NOMO1: variants seen among roughly 807,000 people sequenced by gnomAD.
NOMO1 encodes the protein NODAL modulator 1.
In NOMO1, 40 loss-of-function variants were observed where a neutral mutation model predicts 133.8. That is an observed-to-expected ratio of 0.30 (90% CI 0.23 to 0.39). NOMO1 has a LOEUF of 0.39. Ranked by LOEUF, NOMO1 falls within the 10% of genes least tolerant of loss-of-function variation. The pLI is 1.00. For missense variants in NOMO1, 462 were observed against 1,419.9 expected (o/e 0.33, Z 10.84); for synonymous variants, 236 against 570.5 (o/e 0.41, Z 8.36).
At chr16:14,844,047 CCT>C (rs1790379614) in intron 3 of NOMO1, among the ~76,000 whole-genome samples, 2 of 142,276 alleles carry the variant, frequency 1.4e-5, no homozygotes, top group Non-Finnish European at 3.1e-5. Context: ...CCACAGTCCC[CCT>C]GAGGATGCTC....
At position 14,888,018 on chromosome 16, in the gene NOMO1, C is replaced by T. The variant is rs376924587; in HGVS notation, c.3325-1078C>T. On this transcript the variant is annotated intron_variant, in intron 28 of 30. Coordinates refer to ENST00000287667, the MANE Select transcript of NOMO1 (RefSeq NM_014287.4). Reference sequence around the variant, plus strand: ...GGAAGTTTTCAGCCATTATTCTGGCCGTCATTTACTGATTATAAAGTGCTT... The same window carrying T: ...GGAAGTTTTCAGCCATTATTCTGGCTGTCATTTACTGATTATAAAGTGCTT... 169 of 147,878 alleles carry T rather than the reference C, an allele frequency of 1.1e-3. 1 individual carries two copies. In the East Asian group the frequency reaches 0.021, roughly 18 times the overall value. 9.2% of individuals were successfully genotyped at this position (147,878 alleles called of 1,614,324 possible). A position where few individuals can be genotyped will look rare whatever the true frequency, so the allele number is the denominator to read the frequency against.
intron 4 of NOMO1, among the ~76,000 whole-genome samples, chr16:14,846,024 CTTTT>C (rs1195109475): frequency 2.3e-4 from 28 of 122,858 alleles, no homozygotes; most frequent in East Asian, 1.8e-3. Flanking sequence ...TGTACATTTA[CTTTT>C]TTTTTTTTTT....
intron 7 of NOMO1, 74 bp from the exon 8 acceptor site, chr16:14,853,393 A>C: frequency 8.2e-7 from 1 of 1,214,134 alleles, no homozygotes; most frequent in Non-Finnish European, 1.1e-6. Context: ...ATTTTCCTAT[A>C]ATGTGGCTAA....
At chr16:14,840,690 C>G (rs1433339849) in intron 2 of NOMO1, among the ~76,000 whole-genome samples, 1 of 149,462 alleles carries the variant, frequency 6.7e-6, no homozygotes, top group Non-Finnish European at 1.5e-5. Flanking sequence ...GAGACAGGAT[C>G]TCCCTCCGCT....
intron 16 of NOMO1, among the ~76,000 whole-genome samples, 173 bp from the exon 17 acceptor site, chr16:14,871,448 C>T (rs535252021): frequency 6.6e-6 from 1 of 152,200 alleles, no homozygotes; most frequent in East Asian, 1.9e-4. Context: ...GGTAAGACGC[C>T]TTCATAGGCA....
chr16:14,881,461 A>G (rs1474606640), intron 24 of NOMO1, 83 bp from the exon 25 acceptor site: 11 of 1,609,844 alleles, frequency 6.8e-6, no homozygotes, highest in Non-Finnish European at 8.5e-6. Flanking sequence ...ATTTTGCCCC[A>G]TAATTGTTGG....
At chr16:14,853,054 A>G (rs1963783410) in intron 7 of NOMO1, 1 of 191,720 alleles carries the variant, frequency 5.2e-6, no homozygotes, top group Non-Finnish European at 1.0e-5. Flanking sequence ...CTCACAAGAC[A>G]TTGCACATCT....
Position 14,866,790 on chromosome 16 carries a change from T to C in NOMO1, c.1806+99T>C, listed in dbSNP as rs558882834. The C allele has an allele frequency of 3.1e-3, 4,902 of 1,598,208 alleles. 195 individuals are homozygous for C. In the African/African-American group the frequency reaches 0.048, roughly 16 times the overall value. Reference sequence around the variant, plus strand: ...AGGAATATTGTAAACGTAGGCAAGTTAGATTTCCTTTTCTGCCTCTCCACT... The same window carrying C: ...AGGAATATTGTAAACGTAGGCAAGTCAGATTTCCTTTTCTGCCTCTCCACT... On this transcript the variant is annotated intron_variant, in intron 15 of 30. Coordinates refer to ENST00000287667, the MANE Select transcript of NOMO1 (RefSeq NM_014287.4).
At chr16:14,838,729 T>G (rs1297874040) in intron 2 of NOMO1, among the ~76,000 whole-genome samples, 1 of 151,432 alleles carries the variant, frequency 6.6e-6, no homozygotes, top group African/African-American at 2.4e-5. Flanking sequence ...ACGTTTTTGT[T>G]GTGACATCTG....
At chr16:14,869,761 G>A (rs995863719) in intron 16 of NOMO1, among the ~76,000 whole-genome samples, 1 of 151,742 alleles carries the variant, frequency 6.6e-6, no homozygotes, top group Non-Finnish European at 1.5e-5. Flanking sequence ...CGATACCTGG[G>A]AATGGAATTG....
Position 14,856,224 on chromosome 16 carries a change from A to C in NOMO1, c.964-993A>C, listed in dbSNP as rs553919182. Among the ~76,000 whole-genome samples the C allele has an allele frequency of 8.9e-4, 135 of 151,980 alleles. 4 individuals carry two copies. The East Asian group carries it at 0.023, about 26-fold the overall frequency. On this transcript the variant is annotated intron_variant, in intron 9 of 30. Coordinates refer to ENST00000287667, the MANE Select transcript of NOMO1 (RefSeq NM_014287.4). ...GAACGAGGACATTTCAGATACTGGT[A>C]AGTTTGATGAAGATACTAAAATGGG...
chr16:14,882,536 C>G, intron 25 of NOMO1, 58 bp from the exon 26 acceptor site: 1 of 1,610,978 alleles, frequency 6.2e-7, no homozygotes, highest in Non-Finnish European at 8.5e-7. Context: ...CAGGCTTGGA[C>G]CAGGCACGAT....
rs1963459923 is a variant in NOMO1, at chr16:14,833,778, A to G, written c.-74A>G. On this transcript the variant is annotated 5_prime_UTR_variant, in exon 1 of 31. Transcript: ENST00000287667. ...GCTGTCAGCCGGCCTAGGAGGAGGA[A>G]GGAGCCTGCGGCGTGCAGTGTGAGG... The G allele has an allele frequency of 4.5e-6, 2 of 446,432 alleles. 1 individual carries two copies. Among genetic ancestry groups the G allele is most frequent in the East Asian group, 7.6e-5 (2 of 26,338 alleles). The allele number at this position is 446,432 out of a possible 1,614,324, so 27.7% of individuals were successfully genotyped here. A position where few individuals can be genotyped will look rare whatever the true frequency, so the allele number is the denominator to read the frequency against.
rs949455680 is a variant in NOMO1 at position 14,840,607 on chromosome 16, AAAAC to A, written c.256-751_256-748del. The stretch of plus-strand genomic sequence containing the variant: ...ATCTCAAAAAAAAAAAACTAAAACA[AAAAC>A]AAAGAAACCAGGGTTGATAAGTAAA... On this transcript the variant is annotated intron_variant, in intron 2 of 30. Transcript: ENST00000287667. 1.2e-4 allele frequency among the ~76,000 whole-genome samples: 18 copies of A among 147,468 alleles called. 1 individual carries two copies. The highest frequency in any genetic ancestry group is 4.5e-4 in the African/African-American group (18 of 40,148).
intron 18 of NOMO1, among the ~76,000 whole-genome samples, chr16:14,872,926 CCT>C (rs1179259159): frequency 6.9e-6 from 1 of 145,928 alleles, no homozygotes; most frequent in Non-Finnish European, 1.5e-5. Flanking sequence ...CATTGCAGTC[CCT>C]GTCTCCCTCC....
intron 22 of NOMO1, 104 bp from the exon 23 acceptor site, chr16:14,878,617 A>G (rs1597110965): frequency 8.9e-7 from 1 of 1,119,612 alleles, no homozygotes; most frequent in East Asian, 2.5e-5. Context: ...GAGTAACAAT[A>G]AAAGAAAAAA....
At chr16:14,887,354 C>G (rs1407329060) in intron 28 of NOMO1, among the ~76,000 whole-genome samples, 1 of 150,832 alleles carries the variant, frequency 6.6e-6, no homozygotes, top group African/African-American at 2.4e-5. Context: ...AGTGCAGTGG[C>G]GCAATCTGGG....
intron 3 of NOMO1, among the ~76,000 whole-genome samples, chr16:14,842,919 ATATTT>A (rs1370955402): frequency 6.6e-6 from 1 of 150,960 alleles, no homozygotes. Flanking sequence ...TAAAATATTT[ATATTT>A]TATTTTATTT....
chr16:14,860,138 G>A (rs1210016555), intron 11 of NOMO1, among the ~76,000 whole-genome samples: 2 of 152,006 alleles, frequency 1.3e-5, no homozygotes, highest in Non-Finnish European at 2.9e-5. Context: ...GGGAGGCTGA[G>A]GTGGGCGGAT....
Sources: gnomAD v4.1 joint callset for allele counts (sites outside exome capture counted in the v4.1 genomes callset) on GRCh38, gnomAD v4.1.1 for gene constraint, MANE v1.5 for transcripts, NCBI Gene and HGNC (gene_info 2026-07-23, HGNC 2026-07-21) for gene names.